The following FEZ2 variants were observed in gnomAD, a reference collection of about 807,000 sequenced individuals.
The protein encoded by FEZ2 is fasciculation and elongation protein zeta 2, also known as fasciculation and elongation protein zeta-2.
In FEZ2, 51 loss-of-function variants were observed where a neutral mutation model predicts 40.4. The observed-to-expected ratio is 1.26, with a 90% confidence interval of 1.01 to 1.59. The LOEUF (loss-of-function observed/expected upper bound fraction) is 1.59, where lower values mean the gene tolerates loss of function less well. FEZ2 is among the 40% of genes most tolerant of loss of function. The pLI is 0.00. For synonymous variants in FEZ2, 242 were observed against 172.0 expected, an observed-to-expected ratio of 1.41 and a Z score of -3.18; for missense variants, 640 against 438.3, an observed-to-expected ratio of 1.46 and a Z score of -4.11.
intron 2 of FEZ2, among the ~76,000 whole-genome samples, chr2:36,587,185 A>T (rs1668926103): frequency 6.6e-6 from 1 of 152,264 alleles, no homozygotes; most frequent in African/African-American, 2.4e-5. Context: ...ATGAGTAATA[A>T]CAGTAAACTA....
At chr2:36,580,441 G>C (rs1011139342) in intron 4 of FEZ2, among the ~76,000 whole-genome samples, 3 of 152,222 alleles carry the variant, frequency 2.0e-5, no homozygotes, top group Non-Finnish European at 4.4e-5. Flanking sequence ...ATTCAAGGAA[G>C]GGACCAGTCA....
intron 1 of FEZ2, among the ~76,000 whole-genome samples, chr2:36,591,930 A>G (rs1319320588): frequency 6.6e-6 from 1 of 152,230 alleles, no homozygotes; most frequent in Non-Finnish European, 1.5e-5. Flanking sequence ...TGTATTGAAG[A>G]GAGTCCCAAA....
intron 1 of FEZ2, among the ~76,000 whole-genome samples, chr2:36,595,186 G>A (rs760570160): frequency 1.3e-5 from 2 of 152,062 alleles, no homozygotes; most frequent in African/African-American, 2.4e-5. Context: ...AAGTGCCAAG[G>A]GTCGGGGAGG....
At chr2:36,567,936 T>C (rs142638332) in intron 5 of FEZ2, among the ~76,000 whole-genome samples, 19 of 152,202 alleles carry the variant, frequency 1.2e-4, no homozygotes, top group African/African-American at 4.3e-4. Context: ...AGCTGCCCTG[T>C]AAATTCCAAA....
At chr2:36,557,880 T>C (rs1254787929) in intron 6 of FEZ2, 1 of 152,166 alleles carries the variant, frequency 6.6e-6, no homozygotes, top group Non-Finnish European at 1.5e-5. Context: ...GAAGGTGCAT[T>C]ATCTTTGTCT....
At chr2:36,595,742 T>C (rs1246321124) in intron 1 of FEZ2, among the ~76,000 whole-genome samples, 1 of 152,116 alleles carries the variant, frequency 6.6e-6, no homozygotes, top group Non-Finnish European at 1.5e-5. Context: ...AAAGGGACAA[T>C]GCCAGTGATG....
intron 4 of FEZ2, chr2:36,579,079 G>C (rs1488409390): frequency 8.3e-6 from 4 of 480,506 alleles, no homozygotes; most frequent in East Asian, 6.4e-5. Context: ...GTGGGCAGGT[G>C]AGTCACTTCT....
chr2:36,590,926 T>C lies in FEZ2; in HGVS notation c.352A>G (p.Thr118Ala). Residue 118 changes from threonine (T) to alanine (A), a missense_variant, in exon 2 of 8, where the codon ACT becomes GCT. Coordinates refer to ENST00000405912, the MANE Select transcript of FEZ2 (RefSeq NM_005102.3). ...SSHTRTLHLL[T>A]LNLSEKGVSD... is the part of the protein sequence containing the mutation. Reference sequence around the variant, plus strand: ...ACCCCTTTTTCTGAGAGGTTCAGAGTAAGCAAGTGCAAGGTCCTAGTATGC... The same window carrying C: ...ACCCCTTTTTCTGAGAGGTTCAGAGCAAGCAAGTGCAAGGTCCTAGTATGC... The C allele has an allele frequency of 1.9e-6, 3 of 1,608,384 alleles. No homozygotes were observed. Among genetic ancestry groups the C allele is most frequent in the Non-Finnish European group, 1.7e-6 (2 of 1,174,720 alleles).
At chr2:36,565,639 G>T (rs1025119131) in intron 5 of FEZ2, among the ~76,000 whole-genome samples, 1 of 152,112 alleles carries the variant, frequency 6.6e-6, no homozygotes, top group African/African-American at 2.4e-5. Flanking sequence ...CTAGCTAGGG[G>T]CAATAGTAAT....
Position 36,578,627 on chromosome 2 carries a change from C to A in FEZ2, c.873G>T (p.Gly291=), listed in dbSNP as rs771756135. The A allele has an allele frequency of 2.5e-6, 4 of 1,613,110 alleles. No homozygotes were observed. The highest frequency in any genetic ancestry group is 3.4e-6 in the Non-Finnish European group (4 of 1,179,716). Residue 291 remains glycine, a synonymous_variant, in exon 5 of 8, where the codon GGG becomes GGT. Transcript: ENST00000405912. ...CGGGCATATGACTTCTCTCATTCTT[C>A]CCATTCTGAGAGCTGCCATTTTTTA... The part of the protein sequence containing the change: ...KKLKNGSSQN[G]KNERSHMPGT...
rs1669280767 is a variant in FEZ2 at position 36,597,889 on chromosome 2, A to C, written c.254T>G (p.Leu85Arg). The change falls in exon 1 of 8, where the codon CTG (leucine) becomes CGG (arginine). Residue 85 changes from leucine to arginine, a missense_variant. Physicochemically the swap from Leu to Arg is moderately radical, Grantham distance 102. Coordinates refer to ENST00000405912, the MANE Select transcript of FEZ2 (RefSeq NM_005102.3). Reference protein sequence around the residue: ...AVRPITERSLLQGDEIWNALT... With the variant: ...AVRPITERSLRQGDEIWNALT... The stretch of plus-strand genomic sequence containing the variant: ...GCCCCGCACTCACTCGTCCCCCTGC[A>C]GGAGGCTGCGCTCCGTGATGGGCCG... The C allele has an allele frequency of 6.5e-6, 9 of 1,383,300 alleles. No homozygotes were observed. 85.7% of individuals were successfully genotyped at this position (1,383,300 alleles called of 1,614,324 possible). A position where few individuals can be genotyped will look rare whatever the true frequency, so the allele number is the denominator to read the frequency against.
rs539894190 is a variant in FEZ2, at chr2:36,568,242, T to C, written c.904-9729A>G. 3.7e-3 allele frequency among the ~76,000 whole-genome samples: 563 copies of C among 152,120 alleles called. 2 individuals carry two copies. Among genetic ancestry groups the C allele is most frequent in the Non-Finnish European group, 4.8e-3 (325 of 67,992 alleles). Reference sequence around the variant, plus strand: ...AGGGAAGCATTTCTTTGATAACATTTCTCAAGGTTAAAGTACCAAAGACAT... The same window carrying C: ...AGGGAAGCATTTCTTTGATAACATTCCTCAAGGTTAAAGTACCAAAGACAT... On this transcript the variant is annotated intron_variant, in intron 5 of 7. Coordinates refer to ENST00000405912, the MANE Select transcript of FEZ2 (RefSeq NM_005102.3).
At chr2:36,587,820 A>G (rs2125240051) in intron 2 of FEZ2, among the ~76,000 whole-genome samples, 1 of 152,254 alleles carries the variant, frequency 6.6e-6, no homozygotes, top group East Asian at 1.9e-4. Context: ...TTAATTATAT[A>G]CCATGTAATA....
At chr2:36,589,785 G>C (rs1417694594) in intron 2 of FEZ2, 1 of 152,138 alleles carries the variant, frequency 6.6e-6, no homozygotes, top group Non-Finnish European at 1.5e-5. Context: ...AGGCTTTTCT[G>C]ATCACATATG....
intron 5 of FEZ2, chr2:36,560,927 G>C: frequency 9.7e-7 from 1 of 1,030,218 alleles, no homozygotes; most frequent in Non-Finnish European, 1.5e-6. Flanking sequence ...AAGTCTATTA[G>C]TAAGAATGTA....
intron 1 of FEZ2, among the ~76,000 whole-genome samples, chr2:36,595,525 G>C (rs2148354367): frequency 6.6e-6 from 1 of 152,308 alleles, no homozygotes; most frequent in Middle Eastern, 3.4e-3. Flanking sequence ...GGGAGGAGCT[G>C]TAAATACAGA....
chr2:36,570,670 G>C (rs1668382999), intron 5 of FEZ2, among the ~76,000 whole-genome samples: 1 of 152,106 alleles, frequency 6.6e-6, no homozygotes, highest in Non-Finnish European at 1.5e-5. Flanking sequence ...TCCATACTTA[G>C]GCTACATGGT....
At chr2:36,586,225 C>T (rs1186000021) in intron 2 of FEZ2, among the ~76,000 whole-genome samples, 1 of 152,182 alleles carries the variant, frequency 6.6e-6, no homozygotes, top group Non-Finnish European at 1.5e-5. Flanking sequence ...TCGATCCTTA[C>T]ACTTCGAACA....
intron 5 of FEZ2, among the ~76,000 whole-genome samples, chr2:36,565,842 C>A (rs1376584779): frequency 1.3e-5 from 2 of 152,274 alleles, no homozygotes; most frequent in East Asian, 3.9e-4. Flanking sequence ...CACCTCCGGT[C>A]TCTGTTCACC....
Sources: allele counts gnomAD v4.1 joint callset (sites outside exome capture counted in the v4.1 genomes callset), GRCh38; gene constraint gnomAD v4.1.1; transcripts MANE v1.5; gene names NCBI Gene and HGNC (gene_info 2026-07-23, HGNC 2026-07-21).